Variants in XPO4 observed in about 807,000 individuals in gnomAD.
XPO4 encodes exportin 4, also known as exportin-4.
Under a neutral mutation model 143.0 loss-of-function variants are expected in XPO4, and 39 were observed. The observed-to-expected ratio is 0.27, with a 90% CI of 0.21 to 0.36. The LOEUF (loss-of-function observed/expected upper bound fraction) is 0.36, where lower values mean the gene tolerates loss of function less well. Among genes scored for constraint, XPO4 ranks in the 10% least tolerant of loss-of-function variants. XPO4 has a pLI of 1.00. For missense variants in XPO4, 907 were observed against 1,348.0 expected, an observed-to-expected ratio of 0.67 and a Z score of 5.12; for synonymous variants, 439 against 474.0, an observed-to-expected ratio of 0.93 and a Z score of 0.96.
chr13:20,875,526 C>T (rs2060342449), intron 1 of XPO4, among the ~76,000 whole-genome samples: 1 of 152,128 alleles, frequency 6.6e-6, no homozygotes, highest in Non-Finnish European at 1.5e-5. Context: ...ATCACCTTCT[C>T]CAATTTCTTG....
chr13:20,883,557 A>G (rs1566625499), intron 1 of XPO4, among the ~76,000 whole-genome samples: 1 of 152,234 alleles, frequency 6.6e-6, no homozygotes, highest in Non-Finnish European at 1.5e-5. Flanking sequence ...TTGAAAGAAA[A>G]TAACTATTAA....
intron 1 of XPO4, among the ~76,000 whole-genome samples, chr13:20,873,611 T>C (rs1477391085): frequency 3.3e-5 from 5 of 152,282 alleles, no homozygotes; most frequent in Admixed American, 2.0e-4. Context: ...GGAATCCCAA[T>C]TGTCAAATCC....
chr13:20,883,514 GA>G (rs1309500385), intron 1 of XPO4, among the ~76,000 whole-genome samples: 1 of 152,198 alleles, frequency 6.6e-6, no homozygotes, highest in Non-Finnish European at 1.5e-5. Flanking sequence ...AGTTAAGTCA[GA>G]CAAGAGAGAC....
intron 1 of XPO4, among the ~76,000 whole-genome samples, chr13:20,869,078 A>G (rs1309622831): frequency 6.6e-6 from 1 of 152,164 alleles, no homozygotes; most frequent in East Asian, 1.9e-4. Flanking sequence ...TAACTTCAAA[A>G]TTCTTCAATA....
intron 9 of XPO4, among the ~76,000 whole-genome samples, chr13:20,811,047 C>T (rs2059575578): frequency 6.6e-6 from 1 of 152,114 alleles, no homozygotes; most frequent in Non-Finnish European, 1.5e-5. Context: ...TAAAAGGTCA[C>T]TCTAGTTTAA....
At chr13:20,869,924 T>C (rs1050388365) in intron 1 of XPO4, among the ~76,000 whole-genome samples, 4 of 152,064 alleles carry the variant, frequency 2.6e-5, no homozygotes, top group African/African-American at 9.6e-5. Context: ...GGCAACATGG[T>C]GAAACCCAGT....
At chr13:20,793,450 A>G (rs997564422) in intron 18 of XPO4, among the ~76,000 whole-genome samples, 8 of 152,106 alleles carry the variant, frequency 5.3e-5, no homozygotes, top group Non-Finnish European at 1.0e-4. Context: ...TGTTTGCTCT[A>G]CAATTTGTTC....
chr13:20,843,092 C>A (rs2059992332), intron 5 of XPO4, 44 bp from the exon 6 acceptor site: 2 of 1,511,460 alleles, frequency 1.3e-6, no homozygotes, highest in Non-Finnish European at 1.8e-6. Context: ...AAAATTTATT[C>A]AAAATGTATC....
intron 1 of XPO4, among the ~76,000 whole-genome samples, chr13:20,869,042 C>G (rs928424652): frequency 6.6e-6 from 1 of 152,102 alleles, no homozygotes; most frequent in African/African-American, 2.4e-5. Flanking sequence ...AAATATACCA[C>G]TTGGACTAAC....
At chr13:20,811,093 G>A (rs2059576045) in intron 9 of XPO4, among the ~76,000 whole-genome samples, 1 of 152,068 alleles carries the variant, frequency 6.6e-6, no homozygotes, top group Admixed American at 6.6e-5. Context: ...AATGAGCCTG[G>A]CATTTATATC....
chr13:20,800,832 T>C lies in XPO4; in HGVS notation c.1976A>G (p.Gln659Arg). 1 of 1,613,372 alleles carries C rather than the reference T, an allele frequency of 6.2e-7. No individual in the cohort carries two copies. Among genetic ancestry groups the C allele is most frequent in the Non-Finnish European group, 8.5e-7 (1 of 1,179,816 alleles). The change falls in exon 14 of 23, where the codon CAG (glutamine) becomes CGG (arginine). Residue 659 changes from glutamine to arginine, a missense_variant and splice_region_variant. By Grantham distance (43) the Gln-to-Arg change is conservative. Coordinates refer to ENST00000255305, the MANE Select transcript of XPO4 (RefSeq NM_022459.5). ...AAGTTTTAAGTTTTACATTCTGACC[T>C]GATCATACAGTTTTTCATCCACCAG... ...YLLVDEKLYDQISLPFSTAFG... is the reference protein window; with the variant it reads ...YLLVDEKLYDRISLPFSTAFG...
chr13:20,848,855 T>C (rs1045706352), intron 4 of XPO4: 1 of 985,184 alleles, frequency 1.0e-6, no homozygotes, highest in Non-Finnish European at 1.2e-6. Flanking sequence ...GACAATGCAA[T>C]GAGGTGTCAA....
At chr13:20,902,577 C>A in intron 1 of XPO4, 93 bp downstream of exon 1, 1 of 1,398,076 alleles carries the variant, frequency 7.2e-7, no homozygotes, top group East Asian at 3.0e-5. Context: ...CAGGCCCTTG[C>A]CAGTCGCCAG....
chr13:20,811,820 T>C (rs532247555), intron 9 of XPO4, among the ~76,000 whole-genome samples: 4 of 152,212 alleles, frequency 2.6e-5, no homozygotes, highest in African/African-American at 7.2e-5. Context: ...ATGGGGGTGT[T>C]GGACAGGGCA....
intron 6 of XPO4, among the ~76,000 whole-genome samples, chr13:20,833,113 G>A (rs1334654267): frequency 6.6e-6 from 1 of 152,110 alleles, no homozygotes; most frequent in African/African-American, 2.4e-5. Context: ...TGAACACCAG[G>A]TGAACTACTA....
intron 1 of XPO4, chr13:20,879,316 A>C (rs2060383854): frequency 1.0e-6 from 1 of 985,210 alleles, no homozygotes; most frequent in African/African-American, 1.7e-5. Context: ...AGAGAAAAAG[A>C]AGGGAGAAGG....
intron 2 of XPO4, among the ~76,000 whole-genome samples, chr13:20,865,084 T>TA (rs1393797936): frequency 6.6e-6 from 1 of 151,894 alleles, no homozygotes; most frequent in African/African-American, 2.4e-5. Flanking sequence ...CGCTCTCTGT[T>TA]ACAAAGATGC....
intron 2 of XPO4, chr13:20,866,033 C>T (rs2060242117): frequency 1.0e-6 from 1 of 985,274 alleles, no homozygotes; most frequent in Non-Finnish European, 1.2e-6. Context: ...TAAAAGAATG[C>T]CACAAAGTTA....
rs201113831 is a variant in XPO4, at chr13:20,868,730, A to G, written c.70-29T>C. 1.1e-4 allele frequency: 181 copies of G among 1,585,374 alleles called. No individual in the cohort carries two copies. The African/African-American group carries it at 2.0e-3, about 18-fold the overall frequency. ...GAGAGTTAAAGACAAGAACAGATAC[A>G]CTTATCTAATGACAAAGCTTAAATA... On this transcript the variant is annotated intron_variant, in intron 1 of 22. Coordinates refer to ENST00000255305, the MANE Select transcript of XPO4 (RefSeq NM_022459.5).
Sources: gnomAD v4.1 joint callset for allele counts (sites outside exome capture counted in the v4.1 genomes callset) on GRCh38, gnomAD v4.1.1 for gene constraint, MANE v1.5 for transcripts, NCBI Gene and HGNC (gene_info 2026-07-23, HGNC 2026-07-21) for gene names.